TTL: variants seen among roughly 807,000 people sequenced by gnomAD.
TTL encodes the protein tubulin tyrosine ligase, also known as tubulin--tyrosine ligase.
In TTL, 10 loss-of-function variants were observed where a neutral mutation model predicts 41.1. The observed-to-expected ratio is 0.24, with a 90% confidence interval of 0.15 to 0.41. The LOEUF is 0.41. Among genes scored for constraint, TTL ranks in the 10% least tolerant of loss-of-function variants. The probability of loss-of-function intolerance (pLI) is 1.00; values close to 1 mark genes in which losing one functional copy is unlikely to be tolerated. For missense variants in TTL, 367 were observed against 460.4 expected, an observed-to-expected ratio of 0.80 and a Z score of 1.86; for synonymous variants, 175 against 175.5, an observed-to-expected ratio of 1.00 and a Z score of 0.02.
At chr2:112,486,161 G>C (rs1284041521) in intron 2 of TTL, among the ~76,000 whole-genome samples, 166 bp downstream of exon 2, 1 of 152,216 alleles carries the variant, frequency 6.6e-6, no homozygotes, top group Admixed American at 6.5e-5. Context: ...CATGGTGCTT[G>C]ATAAAGCCTG....
At chr2:112,520,555 A>G in intron 6 of TTL, 130 bp downstream of exon 6, 1 of 1,300,228 alleles carries the variant, frequency 7.7e-7, no homozygotes, top group African/African-American at 1.5e-5. Context: ...GACCCTTGGG[A>G]GGACTCTATC....
At chr2:112,484,200 G>T (rs1461002683) in intron 1 of TTL, among the ~76,000 whole-genome samples, 1 of 151,220 alleles carries the variant, frequency 6.6e-6, no homozygotes, top group East Asian at 1.9e-4. Flanking sequence ...TTCAGGAGAT[G>T]ATCAGTAAAC....
Position 112,528,876 on chromosome 2 carries a change from C to A in TTL, c.*81C>A. 8.6e-7 allele frequency: 1 copy of A among 1,161,666 alleles called. No individual in the cohort carries two copies. Among genetic ancestry groups the A allele is most frequent in the African/African-American group, 1.5e-5 (1 of 66,228 alleles). The allele number at this position is 1,161,666 out of a possible 1,614,324, so 72.0% of individuals were successfully genotyped here. On this transcript the variant is annotated 3_prime_UTR_variant, in exon 7 of 7. Coordinates refer to ENST00000233336, the MANE Select transcript of TTL (RefSeq NM_153712.5). The stretch of plus-strand genomic sequence containing the variant: ...GTGAAATGACTGGATTGCTCTTTAT[C>A]CAGCCCACAGCAGGGGAAAGAAAGG...
In TTL at chr2:112,541,402, C is replaced by T. The variant is rs1039337820; in HGVS notation, c.*12607C>T. ...CGGTGGCTCATGCCTGTAATCCCAG[C>T]ATTTAGGGAGGCAAGGCGAGAGGAT... On this transcript the variant is annotated 3_prime_UTR_variant, in exon 7 of 7. Transcript: ENST00000233336. 1 of 152,128 alleles carries T rather than the reference C, an allele frequency of 6.6e-6. No homozygotes were observed. The highest frequency in any genetic ancestry group is 1.5e-5 in the Non-Finnish European group (1 of 68,064). 9.4% of individuals were successfully genotyped at this position (152,128 alleles called of 1,614,324 possible).
chr2:112,501,573 A>T (rs1681698613), intron 4 of TTL, among the ~76,000 whole-genome samples: 1 of 151,986 alleles, frequency 6.6e-6, no homozygotes, highest in Admixed American at 6.6e-5. Flanking sequence ...TTTTTTAAAA[A>T]ATATTCTTTT....
rs1197766646 is a variant in TTL, at chr2:112,482,412, C to G, written c.68C>G (p.Ala23Gly). ...VYAEVSRLLL[A>G]TGHWKRLRRD... ...GCCGAGGTCTCCCGGCTGCTCCTCG[C>G]CACCGGCCACTGGAAGAGGCTGCGG... Residue 23 changes from alanine to glycine, a missense_variant, in exon 1 of 7, where the codon GCC becomes GGC. Ala to Gly is a moderately conservative substitution (Grantham distance 60). Transcript: ENST00000233336. This position sits in a 1 kb window ranked among gnomAD's most constrained non-coding sequence, Gnocchi z 5.3. The G allele has an allele frequency of 1.9e-6, 3 of 1,606,880 alleles. No homozygotes were observed. The African/African-American group carries it at 4.0e-5, about 21-fold the overall frequency.
At chr2:112,496,715 T>A (rs1473999758) in intron 3 of TTL, among the ~76,000 whole-genome samples, 1 of 147,284 alleles carries the variant, frequency 6.8e-6, no homozygotes, top group Non-Finnish European at 1.5e-5. Flanking sequence ...GTGTATTTTT[T>A]TTTTTTTTTT....
chr2:112,499,647 TCTG>T (rs1338094988), intron 3 of TTL, among the ~76,000 whole-genome samples: 1 of 152,176 alleles, frequency 6.6e-6, no homozygotes, highest in Non-Finnish European at 1.5e-5. Context: ...AAATAAAACT[TCTG>T]CTCTATGAAA....
chr2:112,515,179 A>G (rs1260317802), intron 5 of TTL, among the ~76,000 whole-genome samples: 1 of 152,154 alleles, frequency 6.6e-6, no homozygotes, highest in Non-Finnish European at 1.5e-5. Flanking sequence ...TAACTCCAAA[A>G]TCTAGATTAC....
intron 1 of TTL, chr2:112,483,256 C>T (rs983964852): frequency 6.6e-6 from 1 of 152,258 alleles, no homozygotes; most frequent in Non-Finnish European, 1.5e-5. Context: ...ACCACCATAC[C>T]CACATGTCCA....
intron 3 of TTL, among the ~76,000 whole-genome samples, chr2:112,497,062 C>T (rs62157511): frequency 0.42 from 63,151 of 150,916 alleles, 13,503 homozygotes; most frequent in East Asian, 0.58. Flanking sequence ...CCTCGTGATC[C>T]GCCCGCCTCA....
chr2:112,531,087 C>G lies in TTL; in HGVS notation c.*2292C>G, dbSNP rs1682497539. The G allele has an allele frequency of 4.8e-6, 1 of 208,590 alleles. No individual in the cohort carries two copies. The highest frequency in any genetic ancestry group is 9.8e-6 in the Non-Finnish European group (1 of 102,432). 12.9% of individuals were successfully genotyped at this position (208,590 alleles called of 1,614,324 possible). A position where few individuals can be genotyped will look rare whatever the true frequency, so the allele number is the denominator to read the frequency against. ...CTCGAATTTCTGGGCTTGAGCAGTC[C>G]TCCCGTCTCAGCCTCCTGAGTAGCT... On this transcript the variant is annotated 3_prime_UTR_variant, in exon 7 of 7. Coordinates refer to ENST00000233336, the MANE Select transcript of TTL (RefSeq NM_153712.5).
intron 3 of TTL, among the ~76,000 whole-genome samples, chr2:112,497,440 C>T (rs895850028): frequency 5.3e-5 from 8 of 152,040 alleles, no homozygotes; most frequent in African/African-American, 1.9e-4. Context: ...TTCAAAGGGC[C>T]GTGAGCTAAC....
At position 112,516,676 on chromosome 2, in the gene TTL, A is replaced by AAATC. The variant is rs1254320260; in HGVS notation, c.876-3592_876-3589dup. On this transcript the variant is annotated intron_variant, in intron 5 of 6. Coordinates refer to ENST00000233336, the MANE Select transcript of TTL (RefSeq NM_153712.5). Reference sequence around the variant, plus strand: ...GCAACAGAGCAAGATTCCATCTCAGAAATCAATCAATCAATCAGGTGGCCA... The same window carrying AAATC: ...GCAACAGAGCAAGATTCCATCTCAGAAATCAATCAATCAATCAATCAGGTGGCCA... Among the ~76,000 whole-genome samples the AAATC allele has an allele frequency of 2.6e-5, 4 of 152,282 alleles. No homozygotes were observed. In the East Asian group the frequency reaches 5.8e-4, roughly 22 times the overall value.
At chr2:112,512,154 C>T (rs775100256) in intron 5 of TTL, among the ~76,000 whole-genome samples, 33 of 151,358 alleles carry the variant, frequency 2.2e-4, no homozygotes, top group Non-Finnish European at 4.6e-4. Context: ...TGCAGTGGCG[C>T]GATCATGGCT....
At chr2:112,501,151 T>C in intron 3 of TTL, 55 bp from the exon 4 acceptor site, 1 of 1,554,652 alleles carries the variant, frequency 6.4e-7, no homozygotes, top group Non-Finnish European at 8.7e-7. Context: ...TCTGGATTTA[T>C]AGAGAGCTCT....
At position 112,518,795 on chromosome 2, in the gene TTL, G is replaced by A. The variant is rs201535196; in HGVS notation, c.876-1487G>A. The stretch of plus-strand genomic sequence containing the variant: ...GTTCAAGCGATTCTCCTGCCTCAGC[G>A]TCTGGAGTAGCTGGGATTATAGGCA... On this transcript the variant is annotated intron_variant, in intron 5 of 6. Transcript: ENST00000233336. Among the ~76,000 whole-genome samples the A allele has an allele frequency of 1.3e-4, 19 of 151,412 alleles. No individual in the cohort carries two copies. The South Asian group carries it at 2.1e-3, about 17-fold the overall frequency.
Position 112,501,222 on chromosome 2 carries a change from C to A in TTL, c.486C>A (p.Ile162=), listed in dbSNP as rs1047500880. The change falls in exon 4 of 7, where the codon ATC becomes ATA. Residue 162 remains isoleucine, a synonymous_variant. Transcript: ENST00000233336. Reference sequence around the variant, plus strand: ...CCCTGTTAGGTGAAGGCATTCTCATCTCCTCAGAGGCTTCAGAGCTTCTCG... The same window carrying A: ...CCCTGTTAGGTGAAGGCATTCTCATATCCTCAGAGGCTTCAGAGCTTCTCG... ...SAGAKGEGIL[I]SSEASELLDF... is the part of the protein sequence containing the mutation. 3 of 1,611,020 alleles carry A rather than the reference C, an allele frequency of 1.9e-6. No homozygotes were observed. Among genetic ancestry groups the A allele is most frequent in the African/African-American group, 2.7e-5 (2 of 74,748 alleles).
intron 2 of TTL, among the ~76,000 whole-genome samples, chr2:112,487,621 C>T (rs1006046789): frequency 1.3e-5 from 2 of 152,178 alleles, no homozygotes; most frequent in Non-Finnish European, 2.9e-5. Context: ...CCTTGGAGAG[C>T]ACCACTCAGA....
Sources: gnomAD v4.1 joint callset for allele counts (sites outside exome capture counted in the v4.1 genomes callset) on GRCh38, gnomAD v4.1.1 for gene constraint, Gnocchi (gnomAD v3.1) non-coding constraint, MANE v1.5 for transcripts, NCBI Gene and HGNC (gene_info 2026-07-23, HGNC 2026-07-21) for gene names.